The following PCDH15 variants were observed in gnomAD, a reference collection of about 807,000 sequenced individuals.
PCDH15 encodes the protein protocadherin related 15, also known as protocadherin-15.
Under a neutral mutation model 178.5 loss-of-function variants are expected in PCDH15, and 129 were observed. That is an observed-to-expected ratio of 0.72 (90% confidence interval 0.63 to 0.84). The LOEUF (loss-of-function observed/expected upper bound fraction) is 0.84, where lower values mean the gene tolerates loss of function less well. PCDH15 is among the 40% of genes least tolerant of loss of function. PCDH15 has a pLI of 0.00. For missense variants in PCDH15, 2,230 were observed against 2,099.9 expected, an observed-to-expected ratio of 1.06 and a Z score of -1.21; for synonymous variants, 800 against 732.0, an observed-to-expected ratio of 1.09 and a Z score of -1.50.
rs1423794657 is a variant in PCDH15, at chr10:55,048,112, T to C, written c.-80+118464A>G. ...TTTGAATGCTCTGATACTTCTTATA[T>C]GTTTAAGAAAAAAGGAGGAGAATCA... On this transcript the variant is annotated intron_variant, in intron 2 of 5. Coordinates refer to the PCDH15 transcript ENST00000458638. 2.6e-5 allele frequency among the ~76,000 whole-genome samples: 4 copies of C among 151,862 alleles called. 1 individual carries two copies. The highest frequency in any genetic ancestry group is 7.2e-5 in the African/African-American group (3 of 41,416).
intron 2 of PCDH15, among the ~76,000 whole-genome samples, chr10:55,345,022 A>T (rs1844709520): frequency 6.6e-6 from 1 of 151,984 alleles, no homozygotes; most frequent in Non-Finnish European, 1.5e-5. Flanking sequence ...GATCTAGGTC[A>T]AGCAAAAAAA....
chr10:53,939,119 T>C (rs2085832228), intron 24 of PCDH15, among the ~76,000 whole-genome samples, 164 bp from the exon 25 acceptor site: 2 of 152,202 alleles, frequency 1.3e-5, no homozygotes, highest in South Asian at 4.1e-4. Flanking sequence ...GTTCCAGCTC[T>C]TTGAATGATC....
chr10:53,918,508 C>T (rs375921852), intron 25 of PCDH15, among the ~76,000 whole-genome samples: 3 of 152,110 alleles, frequency 2.0e-5, no homozygotes, highest in African/African-American at 4.8e-5. Context: ...TTGAATAAAA[C>T]GATACGTCTA....
intron 1 of PCDH15, among the ~76,000 whole-genome samples, chr10:54,708,801 T>C (rs769456515): frequency 1.4e-3 from 171 of 125,668 alleles, no homozygotes; most frequent in African/African-American, 2.6e-3. Context: ...TGTGTGTGTG[T>C]GCGCGCGCGT....
intron 6 of PCDH15, among the ~76,000 whole-genome samples, chr10:54,330,097 A>T (rs1391121200): frequency 6.6e-6 from 1 of 151,934 alleles, no homozygotes; most frequent in Non-Finnish European, 1.5e-5. Flanking sequence ...TTATTTCTAC[A>T]TAGTATCAAT....
chr10:55,190,312 G>T (rs944695877), intron 1 of PCDH15, among the ~76,000 whole-genome samples: 2 of 150,854 alleles, frequency 1.3e-5, no homozygotes, highest in Admixed American at 6.6e-5. Flanking sequence ...ATTGATCCCA[G>T]TAGTGTTTAT....
At chr10:54,142,713 A>G (rs1299914823) in intron 14 of PCDH15, among the ~76,000 whole-genome samples, 1 of 152,190 alleles carries the variant, frequency 6.6e-6, no homozygotes, top group Non-Finnish European at 1.5e-5. Flanking sequence ...AGGTTTTATT[A>G]AAATTAGATT....
chr10:54,761,103 A>T (rs112777995), intron 1 of PCDH15, among the ~76,000 whole-genome samples: 1 of 152,082 alleles, frequency 6.6e-6, no homozygotes, highest in African/African-American at 2.4e-5. Context: ...GGCTTCCTCT[A>T]CGATGGCTTA....
chr10:54,332,703 G>C (rs1174573864), intron 6 of PCDH15, among the ~76,000 whole-genome samples: 1 of 151,876 alleles, frequency 6.6e-6, no homozygotes, highest in East Asian at 1.9e-4. Flanking sequence ...AGTCTGTGAT[G>C]CAGAAATAAC....
intron 2 of PCDH15, among the ~76,000 whole-genome samples, chr10:54,996,006 G>A (rs1345560473): frequency 2.6e-5 from 4 of 152,072 alleles, no homozygotes; most frequent in African/African-American, 9.7e-5. Context: ...TTCTTCCCTA[G>A]AAATATTCAT....
chr10:54,687,504 G>T (rs972118866), intron 1 of PCDH15, among the ~76,000 whole-genome samples: 7 of 151,930 alleles, frequency 4.6e-5, no homozygotes, highest in African/African-American at 1.5e-4. Flanking sequence ...AACTTTATTT[G>T]GACTCTTTTG....
chr10:55,177,012 G>A (rs1274938970), intron 1 of PCDH15, among the ~76,000 whole-genome samples: 1 of 152,104 alleles, frequency 6.6e-6, no homozygotes, highest in African/African-American at 2.4e-5. Context: ...CTCTCAGGAG[G>A]GGTATAAGGC....
intron 18 of PCDH15, among the ~76,000 whole-genome samples, chr10:54,032,104 T>C (rs192393706): frequency 5.3e-5 from 8 of 152,092 alleles, no homozygotes; most frequent in Admixed American, 3.9e-4. Context: ...TTCATTCTCA[T>C]CTTTTTCTCT....
At chr10:53,938,411 A>AT (rs1225969384) in intron 25 of PCDH15, among the ~76,000 whole-genome samples, 4 of 152,136 alleles carry the variant, frequency 2.6e-5, no homozygotes, top group South Asian at 2.1e-4. Flanking sequence ...TTTTAAGATG[A>AT]TTTTTTCTTT....
At chr10:55,050,677 T>C (rs1324972967) in intron 2 of PCDH15, among the ~76,000 whole-genome samples, 1 of 152,074 alleles carries the variant, frequency 6.6e-6, no homozygotes. Flanking sequence ...CTCTACTTCA[T>C]GGTTTATTTT....
At chr10:54,664,083 A>T (rs927685301) in intron 2 of PCDH15, 89 bp downstream of exon 2, 8 of 982,608 alleles carry the variant, frequency 8.1e-6, no homozygotes, top group African/African-American at 1.6e-5. Flanking sequence ...ATAAACTACA[A>T]ATTAGCATTA....
At chr10:55,381,006 G>A (rs750738644) in intron 2 of PCDH15, among the ~76,000 whole-genome samples, 1 of 152,146 alleles carries the variant, frequency 6.6e-6, no homozygotes, top group Non-Finnish European at 1.5e-5. Context: ...CCAAGTGGTA[G>A]GAAAGAATAA....
At chr10:55,502,638 A>T (rs777890811) in intron 2 of PCDH15, among the ~76,000 whole-genome samples, 1 of 151,636 alleles carries the variant, frequency 6.6e-6, no homozygotes, top group African/African-American at 2.4e-5. Context: ...GGGATAGAGG[A>T]TTGCTGGTGA....
intron 3 of PCDH15, among the ~76,000 whole-genome samples, chr10:54,869,676 G>A (rs915123298): frequency 1.3e-5 from 2 of 152,140 alleles, no homozygotes; most frequent in Non-Finnish European, 2.9e-5. Flanking sequence ...ATAAGATAAT[G>A]GACATAAATA....
Sources: allele counts gnomAD v4.1 joint callset (sites outside exome capture counted in the v4.1 genomes callset), GRCh38; gene constraint gnomAD v4.1.1; transcripts MANE v1.5; gene names NCBI Gene and HGNC (gene_info 2026-07-23, HGNC 2026-07-21).